The following TSNARE1 variants were observed in gnomAD, a reference collection of about 807,000 sequenced individuals.
TSNARE1 encodes the protein t-SNARE domain containing 1.
Under a neutral mutation model 62.0 loss-of-function variants are expected in TSNARE1, and 49 were observed. The ratio of observed to expected loss-of-function variants is 0.79; its 90% CI spans 0.63 to 1.00. The LOEUF (loss-of-function observed/expected upper bound fraction) is 1.00. Ranked by LOEUF, TSNARE1 falls within the 50% of genes least tolerant of loss-of-function variation. TSNARE1 has a pLI of 0.00. For synonymous variants in TSNARE1, 328 were observed against 294.4 expected (o/e 1.11, Z -1.17); for missense variants, 755 against 700.1 (o/e 1.08, Z -0.88).
intron 11 of TSNARE1, chr8:142,275,411 G>T: frequency 1.0e-6 from 1 of 985,352 alleles, no homozygotes; most frequent in Non-Finnish European, 1.2e-6. Context: ...GATGGTACCT[G>T]GGAAAAGCCG....
chr8:142,346,499 T>C (rs1028728360), intron 2 of TSNARE1, among the ~76,000 whole-genome samples: 8 of 152,394 alleles, frequency 5.2e-5, no homozygotes, highest in East Asian at 1.9e-4. Flanking sequence ...TTGAAATTCA[T>C]TGATCCTCAG....
intron 12 of TSNARE1, among the ~76,000 whole-genome samples, chr8:142,243,776 T>C (rs1817765615): frequency 6.6e-6 from 1 of 152,220 alleles, no homozygotes; most frequent in Non-Finnish European, 1.5e-5. Flanking sequence ...AAAATAAGTA[T>C]GTGGAGGGAT....
At chr8:142,313,061 T>C (rs1301392318) in intron 9 of TSNARE1, among the ~76,000 whole-genome samples, 1 of 152,202 alleles carries the variant, frequency 6.6e-6, no homozygotes, top group Non-Finnish European at 1.5e-5. Flanking sequence ...TTTATCTGCA[T>C]GTGTCTGTGT....
Position 142,269,830 on chromosome 8 carries a change from G to A in TSNARE1, c.1446+4951C>T, listed in dbSNP as rs568502241. ...AAGGGGTAGCCTGGAGGGAGGCCAG[G>A]CGTGCGCAGAAGGCAGCTGGACATG... On this transcript the variant is annotated intron_variant, in intron 12 of 13. Transcript: ENST00000524325. 4.1e-6 allele frequency: 4 copies of A among 985,454 alleles called. No individual in the cohort carries two copies. In the African/African-American group the frequency reaches 7.0e-5, roughly 17 times the overall value. 61.0% of individuals were successfully genotyped at this position (985,454 alleles called of 1,614,324 possible).
chr8:142,326,886 A>G (rs1348794307), intron 6 of TSNARE1, among the ~76,000 whole-genome samples: 1 of 152,258 alleles, frequency 6.6e-6, no homozygotes, highest in Non-Finnish European at 1.5e-5. Context: ...GCCTTCAATT[A>G]CCAGGAAAAT....
chr8:142,289,725 C>T (rs1240930479), intron 10 of TSNARE1, among the ~76,000 whole-genome samples: 3 of 152,242 alleles, frequency 2.0e-5, no homozygotes, highest in Non-Finnish European at 4.4e-5. Context: ...GCACTGCCTG[C>T]CTTTGTGTCT....
chr8:142,293,740 C>T (rs141711226), intron 10 of TSNARE1, among the ~76,000 whole-genome samples: 1 of 152,204 alleles, frequency 6.6e-6, no homozygotes, highest in Non-Finnish European at 1.5e-5. Context: ...TCATCTCCTG[C>T]TAACTGGGTG....
intron 12 of TSNARE1, among the ~76,000 whole-genome samples, chr8:142,245,121 C>T (rs1229673372): frequency 6.6e-6 from 1 of 152,240 alleles, no homozygotes; most frequent in Admixed American, 6.5e-5. Context: ...GGAGACCACA[C>T]TTAGTTACTA....
At chr8:142,326,305 A>C (rs34332055) in intron 6 of TSNARE1, 6 of 55,706 alleles carry the variant, frequency 1.1e-4, no homozygotes, top group Admixed American at 4.4e-4. Flanking sequence ...ACCAGCACCA[A>C]CGAAGGGGAG....
At chr8:142,313,027 T>G (rs868306128) in intron 9 of TSNARE1, among the ~76,000 whole-genome samples, 1 of 152,260 alleles carries the variant, frequency 6.6e-6, no homozygotes, top group Non-Finnish European at 1.5e-5. Context: ...TGGGTGTCTA[T>G]CTGCATGTGT....
At chr8:142,317,942 A>G (rs528046914) in intron 7 of TSNARE1, among the ~76,000 whole-genome samples, 4 of 152,274 alleles carry the variant, frequency 2.6e-5, no homozygotes, top group Admixed American at 1.3e-4. Context: ...TGGGAGACAG[A>G]GCAAGACTCC....
chr8:142,330,636 G>A (rs1194439660), intron 6 of TSNARE1, among the ~76,000 whole-genome samples: 1 of 152,240 alleles, frequency 6.6e-6, no homozygotes, highest in African/African-American at 2.4e-5. Flanking sequence ...GCACACAGGT[G>A]CACCTGGGCT....
intron 4 of TSNARE1, among the ~76,000 whole-genome samples, chr8:142,339,253 C>G (rs953751201): frequency 6.6e-6 from 1 of 152,162 alleles, no homozygotes. Context: ...CCTGGGCCAG[C>G]CCATGCCGAA....
intron 12 of TSNARE1, chr8:142,270,098 G>A (rs2130470791): frequency 1.0e-6 from 1 of 985,442 alleles, no homozygotes; most frequent in East Asian, 1.1e-4. Context: ...AGAGGCCCCA[G>A]ACTAGCCAAG....
intron 1 of TSNARE1, among the ~76,000 whole-genome samples, chr8:142,393,695 G>A (rs184596565): frequency 5.3e-5 from 8 of 152,326 alleles, no homozygotes; most frequent in Admixed American, 5.2e-4. Context: ...CAGAGGCCTA[G>A]AGGGAGGTGA....
chr8:142,315,660 G>A (rs1259248699), intron 7 of TSNARE1, among the ~76,000 whole-genome samples: 1 of 152,170 alleles, frequency 6.6e-6, no homozygotes, highest in Non-Finnish European at 1.5e-5. Context: ...GGGTGGGGCT[G>A]GACACGCAGC....
intron 9 of TSNARE1, among the ~76,000 whole-genome samples, chr8:142,307,275 T>C (rs1478004537): frequency 2.0e-5 from 3 of 152,336 alleles, no homozygotes; most frequent in Non-Finnish European, 2.9e-5. Context: ...GAGTCCCCCG[T>C]GGCATGAATT....
chr8:142,235,571 T>G (rs1817370377), intron 12 of TSNARE1, among the ~76,000 whole-genome samples: 1 of 152,100 alleles, frequency 6.6e-6, no homozygotes, highest in African/African-American at 2.4e-5. Flanking sequence ...GCCATTTGGA[T>G]AGATGGGTGT....
intron 2 of TSNARE1, among the ~76,000 whole-genome samples, chr8:142,347,110 C>T (rs1383779877): frequency 6.6e-6 from 1 of 152,220 alleles, no homozygotes; most frequent in Admixed American, 6.5e-5. Flanking sequence ...CAGCTCTGGG[C>T]CCTGGTGGGG....
Sources: allele counts gnomAD v4.1 joint callset (sites outside exome capture counted in the v4.1 genomes callset), GRCh38; gene constraint gnomAD v4.1.1; transcripts MANE v1.5; gene names NCBI Gene and HGNC (gene_info 2026-07-23, HGNC 2026-07-21).